Variants in FBXW7 observed in about 807,000 individuals in gnomAD.
FBXW7 encodes the protein F-box/WD repeat-containing protein 7.
Under a neutral mutation model 86.3 loss-of-function variants are expected in FBXW7, and 11 were observed. The ratio of observed to expected loss-of-function variants is 0.13; its 90% CI spans 0.08 to 0.21. The LOEUF (loss-of-function observed/expected upper bound fraction) is 0.21. Ranked by LOEUF, FBXW7 falls within the 10% of genes least tolerant of loss-of-function variation. The pLI, the probability that FBXW7 is intolerant of heterozygous loss-of-function variation, is 1.00. For synonymous variants in FBXW7, 313 were observed against 297.9 expected (o/e 1.05, Z -0.52); for missense variants, 488 against 847.4 (o/e 0.58, Z 5.27).
chr4:152,389,665 A>G (rs556146692), intron 4 of FBXW7, among the ~76,000 whole-genome samples: 1 of 152,182 alleles, frequency 6.6e-6, no homozygotes, highest in East Asian at 1.9e-4. Flanking sequence ...TACAATGTAT[A>G]CTATTTGGGT....
chr4:152,480,951 G>A (rs1390437745), intron 2 of FBXW7, among the ~76,000 whole-genome samples: 2 of 152,192 alleles, frequency 1.3e-5, no homozygotes, highest in Non-Finnish European at 2.9e-5. Flanking sequence ...AAGTTATCTA[G>A]AAGATCTAAC....
In FBXW7 at chr4:152,509,558, G is replaced by A. The variant is rs542847376; in HGVS notation, c.-120+25383C>T. Among the ~76,000 whole-genome samples, 14 of 152,108 alleles carry A rather than the reference G, an allele frequency of 9.2e-5. No homozygotes were observed. In the South Asian group the frequency reaches 2.9e-3, roughly 32 times the overall value. On this transcript the variant is annotated intron_variant, in intron 2 of 13. Coordinates refer to ENST00000281708, the MANE Select transcript of FBXW7 (RefSeq NM_001349798.2). ...AGAGTAGATATTGAGGTTAACGAAC[G>A]TAAACTATTATTGCTTCCTGCTTTA...
chr4:152,328,530 T>C (rs2126518154), intron 10 of FBXW7, 141 bp from the exon 11 acceptor site: 2 of 518,986 alleles, frequency 3.9e-6, no homozygotes, highest in Non-Finnish European at 3.3e-6. Flanking sequence ...CCGTATAAAA[T>C]GATCCCATCA....
chr4:152,328,582 A>G, intron 10 of FBXW7, 193 bp from the exon 11 acceptor site: 1 of 429,274 alleles, frequency 2.3e-6, no homozygotes, highest in Non-Finnish European at 4.1e-6. Context: ...ATAAATTTAT[A>G]TAAGCACAAG....
At chr4:152,465,282 A>G (rs1743299399) in intron 2 of FBXW7, among the ~76,000 whole-genome samples, 2 of 152,186 alleles carry the variant, frequency 1.3e-5, no homozygotes, top group African/African-American at 4.8e-5. Context: ...TTATGATAGT[A>G]AGCACACAGA....
rs552666437 is a variant in FBXW7 at position 152,320,850 on chromosome 4, G to A, written c.*2031C>T. The A allele has an allele frequency of 1.3e-5, 2 of 152,230 alleles. No homozygotes were observed. Among genetic ancestry groups the A allele is most frequent in the East Asian group, 3.9e-4 (2 of 5,174 alleles). The allele number at this position is 152,230 out of a possible 1,614,324, so 9.4% of individuals were successfully genotyped here. A position where few individuals can be genotyped will look rare whatever the true frequency, so the allele number is the denominator to read the frequency against. On this transcript the variant is annotated 3_prime_UTR_variant, in exon 14 of 14. Transcript: ENST00000281708. ...GGAGATAATAGTGCCTACTTCTCAG[G>A]GATAGTGGGAGCTTAAGAGAGAATG...
intron 6 of FBXW7, among the ~76,000 whole-genome samples, chr4:152,345,543 T>C (rs989257745): frequency 6.6e-6 from 1 of 151,982 alleles, no homozygotes; most frequent in Non-Finnish European, 1.5e-5. Context: ...ATGCCAGCAG[T>C]GTCCTGCGCC....
At chr4:152,358,512 A>T (rs750383916) in intron 4 of FBXW7, among the ~76,000 whole-genome samples, 2 of 138,444 alleles carry the variant, frequency 1.4e-5, no homozygotes, top group South Asian at 4.5e-4. Context: ...GCTAAAGACT[A>T]AAAAAAAAAA....
At chr4:152,360,625 T>C (rs1020674247) in intron 4 of FBXW7, among the ~76,000 whole-genome samples, 2 of 151,956 alleles carry the variant, frequency 1.3e-5, no homozygotes, top group African/African-American at 4.8e-5. Flanking sequence ...AAGAACAGAC[T>C]TCACTATAGA....
chr4:152,524,717 A>AC (rs1460436432), intron 2 of FBXW7, among the ~76,000 whole-genome samples: 5 of 152,000 alleles, frequency 3.3e-5, no homozygotes, highest in Non-Finnish European at 7.4e-5. Flanking sequence ...CCACCTCTGT[A>AC]CAACCCCACT....
rs140171187 is a variant in FBXW7 at position 152,387,607 on chromosome 4, T to TAAAA, written c.501+23692_501+23695dup. On this transcript the variant is annotated intron_variant, in intron 4 of 13. Coordinates refer to ENST00000281708, the MANE Select transcript of FBXW7 (RefSeq NM_001349798.2). ...ATCAAGCTTGTATTAGCAAAAACTG[T>TAAAA]AAAAAAAAAAAAAAAAACATCCAGC... is the stretch of plus-strand genomic sequence containing the variant. 7.0e-5 allele frequency among the ~76,000 whole-genome samples: 9 copies of TAAAA among 129,202 alleles called. 1 individual carries two copies. In the East Asian group the frequency reaches 1.1e-3, roughly 16 times the overall value. The allele number at this position is 129,202 out of a possible 152,430, so 84.8% of individuals were successfully genotyped here. A position where few individuals can be genotyped will look rare whatever the true frequency, so the allele number is the denominator to read the frequency against.
At chr4:152,377,405 C>G (rs904291355) in intron 4 of FBXW7, among the ~76,000 whole-genome samples, 2 of 152,042 alleles carry the variant, frequency 1.3e-5, no homozygotes, top group African/African-American at 4.8e-5. Context: ...TAGAAATCAT[C>G]AATACCATTA....
intron 2 of FBXW7, among the ~76,000 whole-genome samples, chr4:152,525,505 A>G (rs921380094): frequency 5.3e-5 from 8 of 152,118 alleles, no homozygotes; most frequent in Non-Finnish European, 1.2e-4. Flanking sequence ...CATTTTGTTC[A>G]TAAGTTCTTA....
intron 4 of FBXW7, among the ~76,000 whole-genome samples, chr4:152,370,571 T>C (rs969698670): frequency 9.2e-5 from 14 of 152,012 alleles, no homozygotes; most frequent in Non-Finnish European, 4.4e-5. Context: ...GTTAATTATA[T>C]CAAAATATTA....
At chr4:152,465,539 T>C (rs537729367) in intron 2 of FBXW7, among the ~76,000 whole-genome samples, 1 of 152,216 alleles carries the variant, frequency 6.6e-6, no homozygotes, top group East Asian at 1.9e-4. Flanking sequence ...AGAATATCAA[T>C]GTATAGAACA....
At chr4:152,364,466 A>G (rs2126710793) in intron 4 of FBXW7, among the ~76,000 whole-genome samples, 1 of 152,348 alleles carries the variant, frequency 6.6e-6, no homozygotes, top group South Asian at 2.1e-4. Flanking sequence ...ATGAATCATA[A>G]TATTTATGAA....
In FBXW7 at chr4:152,328,394, A is replaced by T. The variant is rs1729250500; in HGVS notation, c.1237-5T>A. The T allele has an allele frequency of 2.0e-6, 3 of 1,489,906 alleles. No individual in the cohort carries two copies. In the East Asian group the frequency reaches 7.9e-5, roughly 39 times the overall value. 92.3% of individuals were successfully genotyped at this position (1,489,906 alleles called of 1,614,324 possible). ...TCCCACTAATGTTCTCAGACACTGG[A>T]AAAACACTTAAGATGATTACTTTTG... On this transcript the variant is annotated splice_region_variant and splice_polypyrimidine_tract_variant and intron_variant, in intron 10 of 13. Coordinates refer to ENST00000281708, the MANE Select transcript of FBXW7 (RefSeq NM_001349798.2).
chr4:152,497,670 T>C (rs910144615), intron 2 of FBXW7, among the ~76,000 whole-genome samples: 12 of 152,072 alleles, frequency 7.9e-5, no homozygotes, highest in African/African-American at 2.9e-4. Flanking sequence ...TGTGGAAACA[T>C]GTTAATGGGT....
intron 4 of FBXW7, among the ~76,000 whole-genome samples, chr4:152,358,946 T>C (rs1357225948): frequency 1.3e-5 from 2 of 152,148 alleles, no homozygotes; most frequent in Non-Finnish European, 2.9e-5. Flanking sequence ...CTTACTGATT[T>C]CCATTAGATA....
Sources: gnomAD v4.1 joint callset for allele counts (sites outside exome capture counted in the v4.1 genomes callset) on GRCh38, gnomAD v4.1.1 for gene constraint, MANE v1.5 for transcripts, NCBI Gene and HGNC (gene_info 2026-07-23, HGNC 2026-07-21) for gene names.